The following EXTL2 variants were observed in gnomAD, a reference collection of about 807,000 sequenced individuals.
EXTL2 encodes the protein exostosin-like 2.
A neutral mutation model predicts 30.7 loss-of-function variants in EXTL2; 23 were observed. The ratio of observed to expected loss-of-function variants is 0.75; its 90% CI spans 0.54 to 1.06. EXTL2 has a LOEUF of 1.06. Ranked by LOEUF, EXTL2 falls within the 50% of genes least tolerant of loss-of-function variation. The pLI, the probability that EXTL2 is intolerant of heterozygous loss-of-function variation, is 0.00. For missense variants in EXTL2, 352 were observed against 396.3 expected (o/e 0.89, Z 0.95); for synonymous variants, 123 against 133.8 (o/e 0.92, Z 0.56).
Position 100,874,373 on chromosome 1 carries a change from C to T in EXTL2, c.562G>A (p.Gly188Ser). The change falls in exon 5 of 5, where the codon GGT becomes AGT. Residue 188 changes from glycine (G) to serine (S), a missense_variant. Gly to Ser is a moderately conservative substitution (Grantham distance 56). Transcript: ENST00000370114. ...VPRKHVSTSSGIYSYGSFEMQ... is the reference protein window; with the variant it reads ...VPRKHVSTSSSIYSYGSFEMQ... ...TCAAAACTTCCATAACTGTAGATAC[C>T]TGATGAAGTAGAGACGTGCTTTCTA... is the stretch of plus-strand genomic sequence containing the variant. 1 of 1,611,840 alleles carries T rather than the reference C, an allele frequency of 6.2e-7. No homozygotes were observed. Among genetic ancestry groups the T allele is most frequent in the South Asian group, 1.1e-5 (1 of 90,838 alleles).
rs754815967 is a variant in EXTL2, at chr1:100,888,745, G to A, written c.5+8C>T. 2.0e-6 allele frequency: 3 copies of A among 1,512,928 alleles called. No individual in the cohort carries two copies. The highest frequency in any genetic ancestry group is 2.7e-6 in the Non-Finnish European group (3 of 1,099,928). 93.7% of individuals were successfully genotyped at this position (1,512,928 alleles called of 1,614,324 possible). A position where few individuals can be genotyped will look rare whatever the true frequency, so the allele number is the denominator to read the frequency against. Reference sequence around the variant, plus strand: ...GTTAAACAAAAGCCAAAAAATATTGGTACTTACCTCATTGTGTTGAAGTTT... The same window carrying A: ...GTTAAACAAAAGCCAAAAAATATTGATACTTACCTCATTGTGTTGAAGTTT... On this transcript the variant is annotated splice_region_variant and intron_variant, in intron 2 of 4. Transcript: ENST00000370114.
intron 1 of EXTL2, among the ~76,000 whole-genome samples, chr1:100,890,722 A>T (rs1233609088): frequency 6.6e-6 from 1 of 152,216 alleles, no homozygotes; most frequent in African/African-American, 2.4e-5. Flanking sequence ...AGACCACATC[A>T]GCCTGGACTT....
intron 3 of EXTL2, 108 bp from the exon 4 acceptor site, chr1:100,876,972 C>T: frequency 2.9e-6 from 2 of 691,220 alleles, no homozygotes; most frequent in Non-Finnish European, 2.5e-6. Context: ...ATTTTCTGAC[C>T]CAACAATAAA....
intron 2 of EXTL2, chr1:100,881,070 AG>A: frequency 1.0e-6 from 1 of 977,876 alleles, no homozygotes. Flanking sequence ...GAAAGGTTTC[AG>A]GAGATATGAA....
At chr1:100,888,203 T>C (rs574142358) in intron 2 of EXTL2, 2 of 152,384 alleles carry the variant, frequency 1.3e-5, no homozygotes, top group East Asian at 3.8e-4. Flanking sequence ...ACCAACTCTA[T>C]AGGAGATAAT....
At chr1:100,883,956 A>C (rs1188834889) in intron 2 of EXTL2, among the ~76,000 whole-genome samples, 4 of 152,206 alleles carry the variant, frequency 2.6e-5, no homozygotes, top group Non-Finnish European at 5.9e-5. Context: ...TGGACCAGGC[A>C]ATTTGAATTT....
In EXTL2 at chr1:100,877,045, AT is replaced by A. The variant is rs1415443395; in HGVS notation, c.434-182del. Among the ~76,000 whole-genome samples, 1 of 152,112 alleles carries A rather than the reference AT, an allele frequency of 6.6e-6. No homozygotes were observed. The highest frequency in any genetic ancestry group is 1.5e-5 in the Non-Finnish European group (1 of 67,998). On this transcript the variant is annotated intron_variant, in intron 3 of 4. Transcript: ENST00000370114. This position sits in a 1 kb window ranked among gnomAD's most constrained non-coding sequence, Gnocchi z 4.1. ...AATAATTTTTTTGGTATCATAACTG[AT>A]TGTATAACTGCCTGAAGGGAAAATA...
intron 4 of EXTL2, among the ~76,000 whole-genome samples, chr1:100,875,847 T>C (rs1047983106): frequency 6.6e-6 from 1 of 152,070 alleles, no homozygotes; most frequent in African/African-American, 2.4e-5. Context: ...TCAATAGAAA[T>C]CTCACAGTTG....
At chr1:100,890,562 T>G (rs1461522606) in intron 1 of EXTL2, among the ~76,000 whole-genome samples, 1 of 152,214 alleles carries the variant, frequency 6.6e-6, no homozygotes, top group Non-Finnish European at 1.5e-5. Flanking sequence ...GCTTCCCTTT[T>G]AAACACAAGT....
At chr1:100,884,162 G>A (rs1013971576) in intron 2 of EXTL2, among the ~76,000 whole-genome samples, 5 of 152,148 alleles carry the variant, frequency 3.3e-5, no homozygotes, top group African/African-American at 1.2e-4. Flanking sequence ...AGGTAGAAAA[G>A]CAATGAGCAA....
chr1:100,886,831 C>T (rs1359230811), intron 2 of EXTL2, among the ~76,000 whole-genome samples: 1 of 152,138 alleles, frequency 6.6e-6, no homozygotes, highest in East Asian at 1.9e-4. Flanking sequence ...TTGCACCTAT[C>T]TCTTGGAATA....
At chr1:100,888,629 G>A (rs141827360) in intron 2 of EXTL2, 124 bp downstream of exon 2, 9 of 441,502 alleles carry the variant, frequency 2.0e-5, no homozygotes, top group Middle Eastern at 6.0e-4. Flanking sequence ...GAGATCGGCC[G>A]CACAACAATG....
rs567517871 is a variant in EXTL2 at position 100,873,579 on chromosome 1, A to G, written c.*363T>C. 14 of 167,998 alleles carry G rather than the reference A, an allele frequency of 8.3e-5. No individual in the cohort carries two copies. In the South Asian group the frequency reaches 2.1e-3, roughly 25 times the overall value. 10.4% of individuals were successfully genotyped at this position (167,998 alleles called of 1,614,324 possible). On this transcript the variant is annotated 3_prime_UTR_variant, in exon 5 of 5. Transcript: ENST00000370114. ...TTAAAACAACTGACCTTTAGTGAAAAAGCAGAGAAATGCCTCTCTTGAGTT... is the reference window on the plus strand; with the variant it reads ...TTAAAACAACTGACCTTTAGTGAAAGAGCAGAGAAATGCCTCTCTTGAGTT...
intron 1 of EXTL2, 36 bp downstream of exon 1, chr1:100,894,597 A>C: frequency 6.6e-6 from 1 of 152,226 alleles, no homozygotes; most frequent in South Asian, 2.1e-4. Context: ...AAAAAGAAAA[A>C]TACTAATACT....
chr1:100,878,652 AT>A (rs1298050261), intron 2 of EXTL2, among the ~76,000 whole-genome samples: 1 of 152,144 alleles, frequency 6.6e-6, no homozygotes, highest in Non-Finnish European at 1.5e-5. Flanking sequence ...TAGAGTCTGG[AT>A]TTTACTATAC....
rs1390203806 is a variant in EXTL2, at chr1:100,876,696, A to C, written c.504+98T>G. ...CCATCTTTTAGATAAATATTATCTAAAATATTTTAGGTAACTTCTATATTA... is the reference window on the plus strand; with the variant it reads ...CCATCTTTTAGATAAATATTATCTACAATATTTTAGGTAACTTCTATATTA... On this transcript the variant is annotated intron_variant, in intron 4 of 4. Transcript: ENST00000370114. The C allele has an allele frequency of 3.9e-6, 3 of 759,682 alleles. No homozygotes were observed. The African/African-American group carries it at 5.3e-5, about 13-fold the overall frequency. The allele number at this position is 759,682 out of a possible 1,614,324, so 47.1% of individuals were successfully genotyped here.
chr1:100,887,920 C>T (rs774312631), intron 2 of EXTL2, among the ~76,000 whole-genome samples: 4 of 152,150 alleles, frequency 2.6e-5, no homozygotes, highest in Non-Finnish European at 5.9e-5. Flanking sequence ...AGGATGGTCT[C>T]GATCTCCTGA....
chr1:100,880,630 T>C (rs893711436), intron 2 of EXTL2, among the ~76,000 whole-genome samples: 2 of 152,178 alleles, frequency 1.3e-5, no homozygotes, highest in East Asian at 1.9e-4. Context: ...CAATCTTGGT[T>C]CAAAGTCCTT....
chr1:100,885,445 A>C (rs1369435530), intron 2 of EXTL2, among the ~76,000 whole-genome samples: 2 of 152,060 alleles, frequency 1.3e-5, no homozygotes, highest in African/African-American at 4.8e-5. Context: ...CAGACAAAAA[A>C]CCTCTTACTT....
Sources: gnomAD v4.1 joint callset for allele counts (sites outside exome capture counted in the v4.1 genomes callset) on GRCh38, gnomAD v4.1.1 for gene constraint, Gnocchi (gnomAD v3.1) non-coding constraint, MANE v1.5 for transcripts, NCBI Gene and HGNC (gene_info 2026-07-23, HGNC 2026-07-21) for gene names.